AGBL4: variants seen among roughly 807,000 people sequenced by gnomAD.
The protein encoded by AGBL4 is cytosolic carboxypeptidase 6.
A neutral mutation model predicts 66.4 loss-of-function variants in AGBL4; 58 were observed. The observed-to-expected ratio is 0.87, with a 90% CI of 0.71 to 1.09. AGBL4 has a LOEUF of 1.09. Ranked by LOEUF, AGBL4 falls within the 50% of genes least tolerant of loss-of-function variation. The pLI is 0.00. For missense variants in AGBL4, 579 were observed against 631.0 expected (o/e 0.92, Z 0.88); for synonymous variants, 234 against 222.9 (o/e 1.05, Z -0.44).
At chr1:48,787,427 A>G (rs946341720) in intron 6 of AGBL4, among the ~76,000 whole-genome samples, 6 of 152,174 alleles carry the variant, frequency 3.9e-5, no homozygotes, top group Non-Finnish European at 5.9e-5. Context: ...AATGTACTAG[A>G]TCCAATCCAC....
intron 9 of AGBL4, among the ~76,000 whole-genome samples, chr1:48,596,980 T>C (rs1177516751): frequency 6.6e-6 from 1 of 152,184 alleles, no homozygotes; most frequent in Non-Finnish European, 1.5e-5. Flanking sequence ...TCTGGCCTTC[T>C]AGAACCGCCG....
chr1:50,010,856 A>C (rs573549761), intron 1 of AGBL4, among the ~76,000 whole-genome samples: 1 of 152,344 alleles, frequency 6.6e-6, no homozygotes, highest in Non-Finnish European at 1.5e-5. Flanking sequence ...AAATCAAACT[A>C]TAAAACTACT....
At chr1:48,960,316 G>C (rs2148938736) in intron 5 of AGBL4, among the ~76,000 whole-genome samples, 1 of 152,228 alleles carries the variant, frequency 6.6e-6, no homozygotes, top group Admixed American at 6.5e-5. Flanking sequence ...AAGTGGTTTG[G>C]GGGATTAGAA....
At chr1:49,418,731 G>A (rs1384397465) in intron 3 of AGBL4, among the ~76,000 whole-genome samples, 1 of 152,220 alleles carries the variant, frequency 6.6e-6, no homozygotes, top group Non-Finnish European at 1.5e-5. Flanking sequence ...TAGTGCCACA[G>A]ACTGATAGGC....
At chr1:48,830,513 C>A (rs1196630928) in intron 6 of AGBL4, among the ~76,000 whole-genome samples, 4 of 152,294 alleles carry the variant, frequency 2.6e-5, no homozygotes, top group African/African-American at 9.6e-5. Flanking sequence ...GGTCAGGGGA[C>A]CAATTCCCCC....
chr1:49,056,392 G>C (rs1644309634), intron 4 of AGBL4, among the ~76,000 whole-genome samples: 1 of 152,076 alleles, frequency 6.6e-6, no homozygotes, highest in Non-Finnish European at 1.5e-5. Flanking sequence ...AGGGGATAGA[G>C]GGTAACATAG....
chr1:49,510,708 T>C (rs1323921699), intron 3 of AGBL4, among the ~76,000 whole-genome samples: 1 of 151,852 alleles, frequency 6.6e-6, no homozygotes. Context: ...AGGGTTTTTA[T>C]GGTTTTAGGT....
At chr1:49,342,929 T>G (rs545534571) in intron 3 of AGBL4, among the ~76,000 whole-genome samples, 1 of 152,330 alleles carries the variant, frequency 6.6e-6, no homozygotes, top group Non-Finnish European at 1.5e-5. Context: ...GAAGGTTACC[T>G]TTGGTAAAGG....
intron 5 of AGBL4, among the ~76,000 whole-genome samples, chr1:48,958,671 T>C (rs1054857375): frequency 2.6e-5 from 4 of 152,326 alleles, no homozygotes; most frequent in Admixed American, 1.3e-4. Context: ...TCTTAGTACC[T>C]GGGACTGGCC....
At chr1:49,950,114 A>G (rs1294873083) in intron 1 of AGBL4, among the ~76,000 whole-genome samples, 2 of 141,060 alleles carry the variant, frequency 1.4e-5, no homozygotes, top group African/African-American at 5.2e-5. Context: ...ATACATATGT[A>G]TATACACATA....
chr1:48,708,430 T>C (rs1646913432), intron 6 of AGBL4, among the ~76,000 whole-genome samples: 1 of 151,920 alleles, frequency 6.6e-6, no homozygotes. Flanking sequence ...AAGGCAGGGA[T>C]GTGGGAGGGC....
chr1:49,020,724 C>G (rs530530192), intron 5 of AGBL4, among the ~76,000 whole-genome samples: 1 of 152,144 alleles, frequency 6.6e-6, no homozygotes, highest in Admixed American at 6.5e-5. Flanking sequence ...GATCTAACTC[C>G]AAGAGAACCT....
chr1:49,683,320 T>C (rs902738215), intron 3 of AGBL4, among the ~76,000 whole-genome samples: 1 of 152,114 alleles, frequency 6.6e-6, no homozygotes, highest in African/African-American at 2.4e-5. Flanking sequence ...ACTCACTTGT[T>C]TTATCAACAT....
chr1:49,731,298 C>T (rs1267587080), intron 2 of AGBL4, among the ~76,000 whole-genome samples: 1 of 152,186 alleles, frequency 6.6e-6, no homozygotes, highest in Non-Finnish European at 1.5e-5. Flanking sequence ...ATTACTAAAA[C>T]ATGCCATCTT....
intron 5 of AGBL4, among the ~76,000 whole-genome samples, chr1:49,044,206 A>G (rs1207830079): frequency 6.6e-6 from 1 of 152,156 alleles, no homozygotes; most frequent in African/African-American, 2.4e-5. Context: ...AAGAGAGGGA[A>G]GTAGGAAGAG....
intron 3 of AGBL4, among the ~76,000 whole-genome samples, chr1:49,478,628 A>G: frequency 6.6e-6 from 1 of 152,076 alleles, no homozygotes; most frequent in East Asian, 1.9e-4. Context: ...AATATTAATG[A>G]ACAGTAAAAA....
intron 6 of AGBL4, among the ~76,000 whole-genome samples, chr1:48,817,277 A>G (rs978201494): frequency 2.6e-5 from 4 of 152,156 alleles, no homozygotes; most frequent in African/African-American, 9.7e-5. Context: ...TCCACTTAAA[A>G]AGGTACCTGG....
intron 3 of AGBL4, among the ~76,000 whole-genome samples, chr1:49,660,237 G>T (rs1230481846): frequency 6.6e-6 from 1 of 151,676 alleles, no homozygotes; most frequent in Non-Finnish European, 1.5e-5. Flanking sequence ...AATCTACAAG[G>T]AACTCAAACA....
At chr1:49,076,517 T>C (rs914185133) in intron 4 of AGBL4, among the ~76,000 whole-genome samples, 1 of 152,140 alleles carries the variant, frequency 6.6e-6, no homozygotes, top group Middle Eastern at 3.2e-3. Flanking sequence ...TCTGGAAAAG[T>C]TTCCTGTTCT....
Sources: allele counts gnomAD v4.1 joint callset (sites outside exome capture counted in the v4.1 genomes callset), GRCh38; gene constraint gnomAD v4.1.1; transcripts MANE v1.5; gene names NCBI Gene and HGNC (gene_info 2026-07-23, HGNC 2026-07-21).